The following C1orf87 variants were observed in gnomAD, a reference collection of about 807,000 sequenced individuals.
The protein encoded by C1orf87 is chromosome 1 open reading frame 87, also known as uncharacterized protein C1orf87.
In C1orf87, 58 loss-of-function variants were observed where a neutral mutation model predicts 60.5. The observed-to-expected ratio is 0.96, with a 90% confidence interval of 0.78 to 1.19. C1orf87 has a LOEUF of 1.19. Among genes scored for constraint, C1orf87 ranks in the 50% most tolerant of loss-of-function variants. The pLI is 0.00. For missense variants in C1orf87, 673 were observed against 638.6 expected, an observed-to-expected ratio of 1.05 and a Z score of -0.58; for synonymous variants, 236 against 227.4, an observed-to-expected ratio of 1.04 and a Z score of -0.34.
chr1:60,064,005 T>A (rs1252840817), intron 2 of C1orf87, among the ~76,000 whole-genome samples: 1 of 151,972 alleles, frequency 6.6e-6, no homozygotes, highest in Non-Finnish European at 1.5e-5. Flanking sequence ...GGTGGCACCA[T>A]CTAATCAGCT....
At chr1:60,012,475 T>C (rs1157866852) in intron 8 of C1orf87, among the ~76,000 whole-genome samples, 1 of 152,150 alleles carries the variant, frequency 6.6e-6, no homozygotes, top group Non-Finnish European at 1.5e-5. Context: ...AAGATCCTTC[T>C]AACAAAATAT....
chr1:60,048,976 G>T (rs1645393473), intron 3 of C1orf87, among the ~76,000 whole-genome samples: 1 of 151,950 alleles, frequency 6.6e-6, no homozygotes, highest in Admixed American at 6.6e-5. Context: ...TATTCAAACA[G>T]TTCATTGTCT....
At position 60,001,079 on chromosome 1, in the gene C1orf87, T is replaced by C. The variant is rs745507556; in HGVS notation, c.1270A>G (p.Met424Val). 6.2e-7 allele frequency: 1 copy of C among 1,608,440 alleles called. No individual in the cohort carries two copies. Among genetic ancestry groups the C allele is most frequent in the Non-Finnish European group, 8.5e-7 (1 of 1,176,332 alleles). ...CTCTATATACCCCAGGTGCATACCATATGTTCAGTTTTGCTTTGAGACATC... is the reference window on the plus strand; with the variant it reads ...CTCTATATACCCCAGGTGCATACCACATGTTCAGTTTTGCTTTGAGACATC... ...PEMSQSKTEH[M>V]KTPEEELQPE... is the part of the protein sequence containing the mutation. The change falls in exon 10 of 12, where the codon ATG becomes GTG. Residue 424 changes from methionine (M) to valine (V), a missense_variant and splice_region_variant. Physicochemically the swap from Met to Val is conservative, Grantham distance 21 (BLOSUM62 1). Coordinates refer to ENST00000371201, the MANE Select transcript of C1orf87 (RefSeq NM_152377.3).
In C1orf87 at chr1:59,992,937, T is replaced by C. The variant is rs565394463; in HGVS notation, c.1481-2104A>G. ...GTCCTTTCATTTATGTAAACCTCAT[T>C]CTTTGAGTTGGCCAATTGCATCTTC... On this transcript the variant is annotated intron_variant, in intron 11 of 11. Coordinates refer to ENST00000371201, the MANE Select transcript of C1orf87 (RefSeq NM_152377.3). Among the ~76,000 whole-genome samples, 26 of 152,350 alleles carry C rather than the reference T, an allele frequency of 1.7e-4. 1 individual carries two copies. Among genetic ancestry groups the C allele is most frequent in the Admixed American group, 1.6e-3 (25 of 15,308 alleles).
intron 2 of C1orf87, among the ~76,000 whole-genome samples, chr1:60,063,316 G>A (rs1450499444): frequency 1.3e-5 from 2 of 152,052 alleles, no homozygotes; most frequent in Non-Finnish European, 2.9e-5. Flanking sequence ...TTTATGTATG[G>A]ACTATAATTG....
chr1:60,060,738 A>C (rs1251227498), intron 2 of C1orf87, among the ~76,000 whole-genome samples: 2 of 152,164 alleles, frequency 1.3e-5, no homozygotes, highest in Admixed American at 1.3e-4. Flanking sequence ...TATTCTGATA[A>C]AGCAATCACA....
At chr1:60,020,547 T>C (rs1467119953) in intron 8 of C1orf87, among the ~76,000 whole-genome samples, 1 of 152,226 alleles carries the variant, frequency 6.6e-6, no homozygotes, top group Non-Finnish European at 1.5e-5. Flanking sequence ...AGCTTTAAGA[T>C]TTAATGATTG....
chr1:60,017,569 C>T (rs922115689), intron 8 of C1orf87, among the ~76,000 whole-genome samples: 1 of 152,144 alleles, frequency 6.6e-6, no homozygotes. Flanking sequence ...TTAATTTTGC[C>T]AATACAATTT....
Position 60,055,454 on chromosome 1 carries a change from T to G in C1orf87, c.108-16A>C. On this transcript the variant is annotated splice_polypyrimidine_tract_variant and intron_variant, in intron 2 of 11. Coordinates refer to ENST00000371201, the MANE Select transcript of C1orf87 (RefSeq NM_152377.3). ...ATTCTCCTTGCTGTGAAGAAAGAAT[T>G]GTATACTTTGTTACTTACAGGCAGA... 1 of 1,606,378 alleles carries G rather than the reference T, an allele frequency of 6.2e-7. No individual in the cohort carries two copies. The highest frequency in any genetic ancestry group is 8.5e-7 in the Non-Finnish European group (1 of 1,173,122).
Position 60,038,101 on chromosome 1 carries a change from A to G in C1orf87, c.754T>C (p.Tyr252His). The stretch of plus-strand genomic sequence containing the variant: ...TTTAAAAACCAGAGTAGCTTTTCAT[A>G]ATTCACCTGAAAATTAAATGTAAAA... ...SKRGSPEMVN[Y>H]EKLLWFLNSA... is the part of the protein sequence containing the mutation. Residue 252 changes from tyrosine (Y) to histidine (H), a missense_variant, in exon 6 of 12, where the codon TAT becomes CAT. By Grantham distance (83) the Tyr-to-His change is moderately conservative. Coordinates refer to ENST00000371201, the MANE Select transcript of C1orf87 (RefSeq NM_152377.3). 3 of 1,520,834 alleles carry G rather than the reference A, an allele frequency of 2.0e-6. No individual in the cohort carries two copies. Among genetic ancestry groups the G allele is most frequent in the Non-Finnish European group, 2.7e-6 (3 of 1,111,828 alleles). The allele number at this position is 1,520,834 out of a possible 1,614,324, so 94.2% of individuals were successfully genotyped here.
chr1:60,014,448 T>A (rs1281331535), intron 8 of C1orf87, among the ~76,000 whole-genome samples: 1 of 152,174 alleles, frequency 6.6e-6, no homozygotes, highest in Non-Finnish European at 1.5e-5. Flanking sequence ...TTTTTGCTAC[T>A]CACGTGTTGT....
chr1:60,000,639 A>G (rs1644995287), intron 10 of C1orf87, among the ~76,000 whole-genome samples: 1 of 152,020 alleles, frequency 6.6e-6, no homozygotes, highest in Non-Finnish European at 1.5e-5. Flanking sequence ...CTTCTTTTTA[A>G]TCAGAGAGGC....
At chr1:60,030,245 G>A (rs1394051227) in intron 7 of C1orf87, among the ~76,000 whole-genome samples, 1 of 152,204 alleles carries the variant, frequency 6.6e-6, no homozygotes. Flanking sequence ...ATGCCATATT[G>A]ATCAGAAAGG....
intron 8 of C1orf87, among the ~76,000 whole-genome samples, chr1:60,022,948 A>T (rs779529390): frequency 2.6e-5 from 4 of 152,162 alleles, no homozygotes; most frequent in African/African-American, 4.8e-5. Context: ...ACAGAATAAG[A>T]TTTCTTCATG....
intron 3 of C1orf87, among the ~76,000 whole-genome samples, chr1:60,049,836 A>G (rs1461088381): frequency 6.6e-6 from 1 of 152,128 alleles, no homozygotes; most frequent in African/African-American, 2.4e-5. Flanking sequence ...TAGCTATCCA[A>G]TAATGTGTCA....
At chr1:59,999,384 A>C (rs1281301315) in intron 10 of C1orf87, among the ~76,000 whole-genome samples, 3 of 152,150 alleles carry the variant, frequency 2.0e-5, no homozygotes, top group Non-Finnish European at 2.9e-5. Flanking sequence ...CTTTTTTTAG[A>C]GCATTGGACT....
rs1255388216 is a variant in C1orf87 at position 60,064,788 on chromosome 1, T to TA, written c.107+7748dup. On this transcript the variant is annotated intron_variant, in intron 2 of 11. Transcript: ENST00000371201. ...TAATTATATTTAATATATAAATATA[T>TA]ATTAAATATATAATTATATTTAATA... Among the ~76,000 whole-genome samples, 556 of 93,514 alleles carry TA rather than the reference T, an allele frequency of 5.9e-3. 13 individuals carry two copies. The highest frequency in any genetic ancestry group is 0.024 in the African/African-American group (540 of 22,602). The allele number at this position is 93,514 out of a possible 152,430, so 61.3% of individuals were successfully genotyped here. A position where few individuals can be genotyped will look rare whatever the true frequency, so the allele number is the denominator to read the frequency against.
At chr1:59,993,737 TAAA>T (rs1644942799) in intron 11 of C1orf87, among the ~76,000 whole-genome samples, 2 of 142,778 alleles carry the variant, frequency 1.4e-5, no homozygotes, top group African/African-American at 5.1e-5. Context: ...AGAACCAAAA[TAAA>T]AAAATAATAA....
chr1:60,039,412 TTG>T, intron 5 of C1orf87, among the ~76,000 whole-genome samples: 1 of 152,296 alleles, frequency 6.6e-6, no homozygotes, highest in East Asian at 1.9e-4. Context: ...ATTGGGAAAT[TTG>T]TGTCTTAGCA....
Sources: allele counts gnomAD v4.1 joint callset (sites outside exome capture counted in the v4.1 genomes callset), GRCh38; gene constraint gnomAD v4.1.1; transcripts MANE v1.5; gene names NCBI Gene and HGNC (gene_info 2026-07-23, HGNC 2026-07-21).